The following DNAI4 variants were observed in gnomAD, a reference collection of about 807,000 sequenced individuals.
DNAI4 encodes the protein dynein axonemal intermediate chain 4.
DNAI4 carries 85 observed loss-of-function variants against 105.8 expected under a neutral mutation model. That is an observed-to-expected ratio of 0.80 (90% CI 0.67 to 0.96). The LOEUF (loss-of-function observed/expected upper bound fraction) is 0.96. DNAI4 is among the 40% of genes least tolerant of loss of function. DNAI4 has a pLI of 0.00. For missense variants in DNAI4, 1,014 were observed against 1,005.6 expected (o/e 1.01, Z -0.11); for synonymous variants, 352 against 331.5 (o/e 1.06, Z -0.67).
chr1:66,856,366 G>T (rs577688621), intron 7 of DNAI4, among the ~76,000 whole-genome samples: 6 of 151,756 alleles, frequency 4.0e-5, no homozygotes, highest in African/African-American at 1.4e-4. Context: ...CCAGCTACTC[G>T]GGAGGCTGAG....
chr1:66,837,399 G>C (rs137864074), intron 10 of DNAI4, among the ~76,000 whole-genome samples: 54 of 149,182 alleles, frequency 3.6e-4, no homozygotes, highest in Admixed American at 1.9e-3. Context: ...ATTTTCAAAG[G>C]ATTTTCATTT....
At position 66,892,995 on chromosome 1, in the gene DNAI4, A is replaced by AAGAG. The variant is rs1553227537; in HGVS notation, c.530+230_530+233dup. 1.7e-3 allele frequency among the ~76,000 whole-genome samples: 191 copies of AAGAG among 114,658 alleles called. 5 individuals are homozygous for AAGAG. The highest frequency in any genetic ancestry group is 6.5e-3 in the African/African-American group (165 of 25,496). 75.2% of individuals were successfully genotyped at this position (114,658 alleles called of 152,430 possible). A position where few individuals can be genotyped will look rare whatever the true frequency, so the allele number is the denominator to read the frequency against. The stretch of plus-strand genomic sequence containing the variant: ...AAAGAAAGAAAGAAAGAAAGAAAGA[A>AAGAG]AGAGAGAAAGAGAGAGAGGAAAGAA... On this transcript the variant is annotated intron_variant, in intron 3 of 16. Transcript: ENST00000371026.
chr1:66,841,736 C>T (rs1461932381), intron 8 of DNAI4, among the ~76,000 whole-genome samples: 1 of 152,146 alleles, frequency 6.6e-6, no homozygotes, highest in Non-Finnish European at 1.5e-5. Context: ...TGGGTATCAA[C>T]ATCCCTCCAT....
At chr1:66,876,105 T>C (rs778699543) in intron 4 of DNAI4, among the ~76,000 whole-genome samples, 2 of 152,076 alleles carry the variant, frequency 1.3e-5, no homozygotes, top group Non-Finnish European at 2.9e-5. Flanking sequence ...ATTTGTGTAA[T>C]AAATTTTAAA....
chr1:66,835,120 A>T (rs187600865), intron 11 of DNAI4, among the ~76,000 whole-genome samples: 1 of 152,138 alleles, frequency 6.6e-6, no homozygotes, highest in Non-Finnish European at 1.5e-5. Context: ...GTCCCATGTT[A>T]TATGACATGC....
Position 66,827,060 on chromosome 1 carries a change from A to G in DNAI4, c.2113-14T>C. ...ATACACTGGACCCTAGAAATAAAAA[A>G]AAAATACATAGGTAAATAATATTTA... On this transcript the variant is annotated splice_polypyrimidine_tract_variant and intron_variant, in intron 14 of 16. Transcript: ENST00000371026. The G allele has an allele frequency of 6.4e-7, 1 of 1,572,106 alleles. No individual in the cohort carries two copies. The highest frequency in any genetic ancestry group is 8.6e-7 in the Non-Finnish European group (1 of 1,156,344).
chr1:66,894,496 T>C lies in DNAI4; in HGVS notation c.346-1083A>G, dbSNP rs117537254. ...ATATTTGATGAATATGAGTTATTTT[T>C]AACGTAGTCAATTGTATCATGTTTT... On this transcript the variant is annotated intron_variant, in intron 2 of 16. Transcript: ENST00000371026. Among the ~76,000 whole-genome samples, 133 of 152,286 alleles carry C rather than the reference T, an allele frequency of 8.7e-4. 2 individuals are homozygous for C. The East Asian group carries it at 0.023, about 27-fold the overall frequency.
At chr1:66,820,766 G>A (rs1476603316) in intron 16 of DNAI4, among the ~76,000 whole-genome samples, 1 of 150,442 alleles carries the variant, frequency 6.6e-6, no homozygotes, top group Non-Finnish European at 1.5e-5. Context: ...AAAGAAATAA[G>A]CCCTGTGAAT....
chr1:66,896,801 T>C (rs1648373416), intron 2 of DNAI4, among the ~76,000 whole-genome samples: 1 of 152,188 alleles, frequency 6.6e-6, no homozygotes, highest in Non-Finnish European at 1.5e-5. Flanking sequence ...CCTCCAGAAC[T>C]GTAATAATAT....
chr1:66,918,940 A>T, intron 1 of DNAI4: 1 of 249,112 alleles, frequency 4.0e-6, no homozygotes, highest in African/African-American at 2.3e-5. Context: ...TCACTGATAT[A>T]GATGCATATT....
rs1216860115 is a variant in DNAI4, at chr1:66,847,695, T to C, written c.1097-17A>G. ...TTTCACTATCTACAAAATACAAACA[T>C]GATACAATGATAAAATATTCAAATG... On this transcript the variant is annotated splice_polypyrimidine_tract_variant and intron_variant, in intron 7 of 16. Transcript: ENST00000371026. The C allele has an allele frequency of 4.6e-6, 7 of 1,522,010 alleles. No homozygotes were observed. The highest frequency in any genetic ancestry group is 6.3e-6 in the Non-Finnish European group (7 of 1,116,668). The allele number at this position is 1,522,010 out of a possible 1,614,324, so 94.3% of individuals were successfully genotyped here.
At position 66,910,629 on chromosome 1, in the gene DNAI4, G is replaced by A. The variant is rs1401673747; in HGVS notation, c.171-5254C>T. 3.3e-5 allele frequency among the ~76,000 whole-genome samples: 5 copies of A among 152,188 alleles called. No homozygotes were observed. The South Asian group carries it at 8.3e-4, about 25-fold the overall frequency. ...GCAGCCCCTGTGCCTCAGGCCTTCC[G>A]TGGCTTCCCTTTCTAAAATGTCAAA... On this transcript the variant is annotated intron_variant, in intron 1 of 16. Coordinates refer to ENST00000371026, the MANE Select transcript of DNAI4 (RefSeq NM_024763.5).
chr1:66,863,175 C>G (rs868528763), intron 6 of DNAI4, among the ~76,000 whole-genome samples: 11 of 152,262 alleles, frequency 7.2e-5, no homozygotes, highest in African/African-American at 2.6e-4. Flanking sequence ...CTTAAAAACT[C>G]CAAGTCTCTT....
chr1:66,820,453 A>C (rs1645601808), intron 16 of DNAI4, among the ~76,000 whole-genome samples: 1 of 152,194 alleles, frequency 6.6e-6, no homozygotes, highest in Non-Finnish European at 1.5e-5. Flanking sequence ...AATACAACCC[A>C]GAAAAAAGAG....
intron 4 of DNAI4, among the ~76,000 whole-genome samples, chr1:66,880,061 C>G (rs976627695): frequency 6.6e-6 from 1 of 152,040 alleles, no homozygotes; most frequent in Non-Finnish European, 1.5e-5. Flanking sequence ...AGTTTCCCTG[C>G]ACAAGCTCTC....
chr1:66,893,075 AAG>A (rs1312598554), intron 3 of DNAI4, among the ~76,000 whole-genome samples, 152 bp downstream of exon 3: 4 of 141,764 alleles, frequency 2.8e-5, no homozygotes, highest in African/African-American at 8.6e-5. Context: ...GAAAGAAAGA[AAG>A]AAAGAAAGAA....
intron 4 of DNAI4, among the ~76,000 whole-genome samples, chr1:66,886,782 G>GC (rs939501402): frequency 6.0e-4 from 91 of 152,140 alleles, no homozygotes; most frequent in African/African-American, 2.1e-3. Context: ...TCTTATCCCT[G>GC]CCCCTACTCC....
chr1:66,853,731 A>C (rs1025493558), intron 7 of DNAI4, among the ~76,000 whole-genome samples: 1 of 152,216 alleles, frequency 6.6e-6, no homozygotes, highest in Non-Finnish European at 1.5e-5. Context: ...CAACTTGATA[A>C]AAATCATCTA....
intron 9 of DNAI4, 70 bp from the exon 10 acceptor site, chr1:66,837,866 T>A: frequency 1.5e-6 from 2 of 1,357,580 alleles, no homozygotes; most frequent in Non-Finnish European, 1.0e-6. Flanking sequence ...TGTATAAAGA[T>A]ATATATTAAT....
Sources: gnomAD v4.1 joint callset for allele counts (sites outside exome capture counted in the v4.1 genomes callset) on GRCh38, gnomAD v4.1.1 for gene constraint, MANE v1.5 for transcripts, NCBI Gene and HGNC (gene_info 2026-07-23, HGNC 2026-07-21) for gene names.